The following AGAP1 variants were observed in gnomAD, a reference collection of about 807,000 sequenced individuals.
AGAP1 encodes the protein ArfGAP with GTPase domain, ankyrin repeat and PH domain 1.
A neutral mutation model predicts 105.3 loss-of-function variants in AGAP1; 29 were observed. The observed-to-expected ratio is 0.28, with a 90% CI of 0.21 to 0.38. AGAP1 has a LOEUF of 0.38. Ranked by LOEUF, AGAP1 falls within the 10% of genes least tolerant of loss-of-function variation. The pLI, the probability that AGAP1 is intolerant of heterozygous loss-of-function variation, is 1.00. For missense variants in AGAP1, 998 were observed against 1,165.1 expected (o/e 0.86, Z 2.09); for synonymous variants, 509 against 485.9 (o/e 1.05, Z -0.63).
intron 1 of AGAP1, among the ~76,000 whole-genome samples, chr2:235,542,940 TC>T: frequency 6.6e-6 from 1 of 152,166 alleles, no homozygotes; most frequent in Non-Finnish European, 1.5e-5. Flanking sequence ...TGGGCTTTTG[TC>T]CTTCGTTTTC....
chr2:235,764,671 T>C (rs1371355223), intron 6 of AGAP1, among the ~76,000 whole-genome samples: 4 of 131,804 alleles, frequency 3.0e-5, no homozygotes, highest in Admixed American at 7.7e-5. Context: ...GCCCGTGGGG[T>C]GGGGGCATCT....
chr2:235,850,411 A>G lies in AGAP1; in HGVS notation c.1051-32934A>G, dbSNP rs920722489. Among the ~76,000 whole-genome samples the G allele has an allele frequency of 4.6e-5, 7 of 152,184 alleles. No individual in the cohort carries two copies. The South Asian group carries it at 1.2e-3, about 27-fold the overall frequency. On this transcript the variant is annotated intron_variant, in intron 9 of 17. Coordinates refer to ENST00000304032, the MANE Select transcript of AGAP1 (RefSeq NM_001037131.3). ...GCCATCTCCCCTGGGGCAGTGCCTGATGTGGTCTCCTTGGTCCCCTTGGTC... is the reference window on the plus strand; with the variant it reads ...GCCATCTCCCCTGGGGCAGTGCCTGGTGTGGTCTCCTTGGTCCCCTTGGTC...
At chr2:235,759,373 G>T (rs1341012804) in intron 6 of AGAP1, among the ~76,000 whole-genome samples, 51 of 151,494 alleles carry the variant, frequency 3.4e-4, no homozygotes, top group East Asian at 9.9e-4. Context: ...CTTTCACCGT[G>T]TTAGCCAGGA....
rs144510069 is a variant in AGAP1, at chr2:235,866,441, G to T, written c.1051-16904G>T. 5.5e-3 allele frequency among the ~76,000 whole-genome samples: 843 copies of T among 152,268 alleles called. 3 individuals carry two copies. The highest frequency in any genetic ancestry group is 9.1e-3 in the Non-Finnish European group (617 of 68,028). On this transcript the variant is annotated intron_variant, in intron 9 of 17. Coordinates refer to ENST00000304032, the MANE Select transcript of AGAP1 (RefSeq NM_001037131.3). This position sits in a 1 kb window ranked among gnomAD's most constrained non-coding sequence, Gnocchi z 6.1. ...ATGGGAATTGAGACTCCAGCAAGTG[G>T]GGAAGAGACAGCGGAAGTCCCCAGT...
rs188902623 is a variant in AGAP1 at position 235,569,771 on chromosome 2, C to T, written c.163+74922C>T. Among the ~76,000 whole-genome samples, 324 of 152,268 alleles carry T rather than the reference C, an allele frequency of 2.1e-3. 1 individual carries two copies. Among genetic ancestry groups the T allele is most frequent in the African/African-American group, 7.6e-3 (314 of 41,540 alleles). ...GGAACCTGTAGGTTCTGAGACCGAG[C>T]CTTGGGTAGTTTTTATTTCTTAGGC... On this transcript the variant is annotated intron_variant, in intron 1 of 17. Transcript: ENST00000304032. The surrounding 1 kb of genome is among the most constrained non-coding windows in gnomAD (Gnocchi z 5.9).
chr2:235,660,288 G>A lies in AGAP1; in HGVS notation c.164-48891G>A, dbSNP rs1443191333. ...AACTTGCGGGGTCACGGTGAGGGAG[G>A]CACTGTGTGGAAGGGTAAATGGGCT... On this transcript the variant is annotated intron_variant, in intron 1 of 17. Coordinates refer to ENST00000304032, the MANE Select transcript of AGAP1 (RefSeq NM_001037131.3). This position sits in a 1 kb window ranked among gnomAD's most constrained non-coding sequence, Gnocchi z 5.3. Among the ~76,000 whole-genome samples the A allele has an allele frequency of 6.6e-6, 1 of 152,172 alleles. No individual in the cohort carries two copies. The highest frequency in any genetic ancestry group is 1.5e-5 in the Non-Finnish European group (1 of 68,020).
Position 235,872,009 on chromosome 2 carries a change from C to G in AGAP1, c.1051-11336C>G, listed in dbSNP as rs1300023148. 6.6e-6 allele frequency among the ~76,000 whole-genome samples: 1 copy of G among 152,180 alleles called. No homozygotes were observed. Among genetic ancestry groups the G allele is most frequent in the Non-Finnish European group, 1.5e-5 (1 of 68,036 alleles). ...TACATAAGCAGTCTGTTTCAGTGTCCTTATCCATGAAATGAGAATCGTCGT... is the reference window on the plus strand; with the variant it reads ...TACATAAGCAGTCTGTTTCAGTGTCGTTATCCATGAAATGAGAATCGTCGT... On this transcript the variant is annotated intron_variant, in intron 9 of 17. Transcript: ENST00000304032. The surrounding 1 kb of genome is among the most constrained non-coding windows in gnomAD (Gnocchi z 4.5).
intron 6 of AGAP1, among the ~76,000 whole-genome samples, chr2:235,758,282 G>A (rs1372964849): frequency 6.6e-6 from 1 of 152,106 alleles, no homozygotes; most frequent in Non-Finnish European, 1.5e-5. Flanking sequence ...GTCATTAATT[G>A]TCCATTTTTT....
chr2:235,888,406 C>T lies in AGAP1; in HGVS notation c.1155+4957C>T, dbSNP rs892214367. Among the ~76,000 whole-genome samples the T allele has an allele frequency of 6.6e-6, 1 of 152,096 alleles. No homozygotes were observed. Among genetic ancestry groups the T allele is most frequent in the African/African-American group, 2.4e-5 (1 of 41,418 alleles). On this transcript the variant is annotated intron_variant, in intron 10 of 17. Transcript: ENST00000304032. This position sits in a 1 kb window ranked among gnomAD's most constrained non-coding sequence, Gnocchi z 4.8. ...CTCGACTCCCCTCCTAGGGCTGCTCCACACAGCTCCTGCATTAGTCAACCA... is the reference window on the plus strand; with the variant it reads ...CTCGACTCCCCTCCTAGGGCTGCTCTACACAGCTCCTGCATTAGTCAACCA...
rs143526271 is a variant in AGAP1, at chr2:235,721,168, C to A, written c.310+3524C>A. On this transcript the variant is annotated intron_variant, in intron 3 of 17. Coordinates refer to ENST00000304032, the MANE Select transcript of AGAP1 (RefSeq NM_001037131.3). The surrounding 1 kb of genome is among the most constrained non-coding windows in gnomAD (Gnocchi z 4.5). ...GATTACAGGCACCCCCCACCGCGCC[C>A]GGATAATTTTTGTATTTTTGGTAGA... is the stretch of plus-strand genomic sequence containing the variant. Among the ~76,000 whole-genome samples, 12 of 152,080 alleles carry A rather than the reference C, an allele frequency of 7.9e-5. No individual in the cohort carries two copies. The highest frequency in any genetic ancestry group is 1.3e-4 in the Admixed American group (2 of 15,284).
At chr2:235,658,569 G>A (rs1024154227) in intron 1 of AGAP1, among the ~76,000 whole-genome samples, 1 of 152,184 alleles carries the variant, frequency 6.6e-6, no homozygotes, top group East Asian at 1.9e-4. Flanking sequence ...GGTGCTGGGG[G>A]CACGTGCCCA....
At position 235,618,303 on chromosome 2, in the gene AGAP1, G is replaced by A. The variant is rs147442297; in HGVS notation, c.164-90876G>A. Among the ~76,000 whole-genome samples, 728 of 152,236 alleles carry A rather than the reference G, an allele frequency of 4.8e-3. 2 individuals are homozygous for A. Among genetic ancestry groups the A allele is most frequent in the African/African-American group, 0.017 (705 of 41,534 alleles). On this transcript the variant is annotated intron_variant, in intron 1 of 17. Coordinates refer to ENST00000304032, the MANE Select transcript of AGAP1 (RefSeq NM_001037131.3). Reference sequence around the variant, plus strand: ...AGCTGGAAAATTCCAGTAGGTTTTTGTAGGTGATTTTTCGGGAGCAGTTGG... The same window carrying A: ...AGCTGGAAAATTCCAGTAGGTTTTTATAGGTGATTTTTCGGGAGCAGTTGG...
rs545655135 is a variant in AGAP1, at chr2:235,724,263, A to G, written c.310+6619A>G. On this transcript the variant is annotated intron_variant, in intron 3 of 17. Transcript: ENST00000304032. This position sits in a 1 kb window ranked among gnomAD's most constrained non-coding sequence, Gnocchi z 4.9. Reference sequence around the variant, plus strand: ...CGAGCTCCTGGCCGGGAGCCTGGTAATGGGGATGGCTGGTAAAGGCTGTGC... The same window carrying G: ...CGAGCTCCTGGCCGGGAGCCTGGTAGTGGGGATGGCTGGTAAAGGCTGTGC... Among the ~76,000 whole-genome samples, 7 of 152,304 alleles carry G rather than the reference A, an allele frequency of 4.6e-5. 1 individual carries two copies. The South Asian group carries it at 1.5e-3, about 32-fold the overall frequency.
At chr2:235,560,135 T>G (rs1305510828) in intron 1 of AGAP1, among the ~76,000 whole-genome samples, 3 of 152,204 alleles carry the variant, frequency 2.0e-5, no homozygotes, top group Non-Finnish European at 4.4e-5. Context: ...CGTTTAGGTC[T>G]TTGATTTTGA....
chr2:235,517,531 T>C lies in AGAP1; in HGVS notation c.163+22682T>C, dbSNP rs1942439490. Among the ~76,000 whole-genome samples, 2 of 152,304 alleles carry C rather than the reference T, an allele frequency of 1.3e-5. No individual in the cohort carries two copies. The highest frequency in any genetic ancestry group is 4.1e-4 in the South Asian group (2 of 4,824). ...TTTTACTGGAAAGAAGTAGCAGCCATGAGGCAGGAGATCCTCTTTACTTTG... is the reference window on the plus strand; with the variant it reads ...TTTTACTGGAAAGAAGTAGCAGCCACGAGGCAGGAGATCCTCTTTACTTTG... On this transcript the variant is annotated intron_variant, in intron 1 of 17. Transcript: ENST00000304032. This position sits in a 1 kb window ranked among gnomAD's most constrained non-coding sequence, Gnocchi z 4.1.
intron 1 of AGAP1, among the ~76,000 whole-genome samples, chr2:235,508,486 A>G (rs1941932573): frequency 1.3e-5 from 2 of 152,210 alleles, no homozygotes. Flanking sequence ...CATCAAGGTT[A>G]TAAAGAAAAT....
chr2:235,894,572 A>G (rs2050705688), intron 10 of AGAP1, among the ~76,000 whole-genome samples: 1 of 152,160 alleles, frequency 6.6e-6, no homozygotes, highest in South Asian at 2.1e-4. Flanking sequence ...ACACATGCAT[A>G]GGACCATACA....
chr2:235,759,313 C>T (rs1021173620), intron 6 of AGAP1, among the ~76,000 whole-genome samples: 15 of 152,048 alleles, frequency 9.9e-5, no homozygotes, highest in East Asian at 1.9e-4. Context: ...GGACTACAGG[C>T]GCCTGCCACC....
chr2:235,659,112 TG>T lies in AGAP1; in HGVS notation c.164-50063del, dbSNP rs1947867636. Reference sequence around the variant, plus strand: ...TCCACCTGCCGTTCTGGGCTTGCCCTGGGGAAGGCCCTGGAGCTGGATTCCC... The same window carrying T: ...TCCACCTGCCGTTCTGGGCTTGCCCTGGGAAGGCCCTGGAGCTGGATTCCC... On this transcript the variant is annotated intron_variant, in intron 1 of 17. Transcript: ENST00000304032. This position sits in a 1 kb window ranked among gnomAD's most constrained non-coding sequence, Gnocchi z 5.0. Among the ~76,000 whole-genome samples the T allele has an allele frequency of 6.6e-6, 1 of 152,176 alleles. No individual in the cohort carries two copies. Among genetic ancestry groups the T allele is most frequent in the Non-Finnish European group, 1.5e-5 (1 of 68,042 alleles).
Sources: allele counts gnomAD v4.1 joint callset (sites outside exome capture counted in the v4.1 genomes callset), GRCh38; gene constraint gnomAD v4.1.1; non-coding constraint Gnocchi (gnomAD v3.1); transcripts MANE v1.5; gene names NCBI Gene and HGNC (gene_info 2026-07-23, HGNC 2026-07-21).